JMJD1C: variants seen among roughly 807,000 people sequenced by gnomAD.
The protein encoded by JMJD1C is jumonji domain-containing protein 1C.
In JMJD1C, 31 loss-of-function variants were observed where a neutral mutation model predicts 245.3. That is an observed-to-expected ratio of 0.13 (90% CI 0.09 to 0.17). The LOEUF (loss-of-function observed/expected upper bound fraction) is 0.17, where lower values mean the gene tolerates loss of function less well. Among genes scored for constraint, JMJD1C ranks in the 10% least tolerant of loss-of-function variants. The pLI, the probability that JMJD1C is intolerant of heterozygous loss-of-function variation, is 1.00. For synonymous variants in JMJD1C, 1,057 were observed against 1,017.4 expected, an observed-to-expected ratio of 1.04 and a Z score of -0.74; for missense variants, 2,691 against 3,000.2, an observed-to-expected ratio of 0.90 and a Z score of 2.41.
intron 3 of JMJD1C, among the ~76,000 whole-genome samples, chr10:63,236,497 C>G (rs909462642): frequency 3.3e-5 from 5 of 152,080 alleles, no homozygotes; most frequent in African/African-American, 1.2e-4. Flanking sequence ...GTCTGGAAGG[C>G]AGTTTTTCTT....
Position 63,200,611 on chromosome 10 carries a change from G to T in JMJD1C, c.5141C>A (p.Ser1714Tyr). The change falls in exon 11 of 26, where the codon TCC becomes TAC. Residue 1714 changes from serine to tyrosine, a missense_variant. Coordinates refer to ENST00000399262, the MANE Select transcript of JMJD1C (RefSeq NM_032776.3). Reference sequence around the variant, plus strand: ...ACAGCAGGAGTCATCCTGTAAAAAGGATTCCCCAGTTTGCTTCAGCTTCTT... The same window carrying T: ...ACAGCAGGAGTCATCCTGTAAAAAGTATTCCCCAGTTTGCTTCAGCTTCTT... ...KVKKLKQTGE[S>Y]FLQDDSCCEI... The T allele has an allele frequency of 1.2e-6, 2 of 1,613,998 alleles. No individual in the cohort carries two copies. Among genetic ancestry groups the T allele is most frequent in the Non-Finnish European group, 1.7e-6 (2 of 1,179,936 alleles).
At chr10:63,196,872 C>T (rs1395339534) in intron 13 of JMJD1C, among the ~76,000 whole-genome samples, 1 of 152,162 alleles carries the variant, frequency 6.6e-6, no homozygotes, top group Non-Finnish European at 1.5e-5. Flanking sequence ...TCACAGTTCA[C>T]TGCAGCCTCC....
chr10:63,382,410 T>C (rs1433415997), intron 1 of JMJD1C, among the ~76,000 whole-genome samples: 1 of 152,090 alleles, frequency 6.6e-6, no homozygotes, highest in African/African-American at 2.4e-5. Flanking sequence ...ACATATGACG[T>C]TCAATTAATG....
At chr10:63,203,364 A>G (rs1846238213) in intron 10 of JMJD1C, 1 of 984,440 alleles carries the variant, frequency 1.0e-6, no homozygotes. Context: ...CATTTATAGT[A>G]AGAACCTTAG....
chr10:63,253,611 C>T (rs1265802504), intron 3 of JMJD1C, among the ~76,000 whole-genome samples: 1 of 152,116 alleles, frequency 6.6e-6, no homozygotes, highest in Non-Finnish European at 1.5e-5. Context: ...GTTTTGAACT[C>T]CTGAACTCAG....
chr10:63,233,291 T>C (rs1406410749), intron 3 of JMJD1C, among the ~76,000 whole-genome samples: 2 of 152,178 alleles, frequency 1.3e-5, no homozygotes, highest in East Asian at 3.8e-4. Context: ...CACAGCATAT[T>C]AATAACCTGA....
At chr10:63,241,517 C>G (rs917863333) in intron 3 of JMJD1C, among the ~76,000 whole-genome samples, 1 of 152,148 alleles carries the variant, frequency 6.6e-6, no homozygotes, top group African/African-American at 2.4e-5. Flanking sequence ...GGCTTTCACT[C>G]CAAGCTTAAT....
intron 2 of JMJD1C, among the ~76,000 whole-genome samples, chr10:63,319,391 T>A (rs1473419542): frequency 1.3e-5 from 2 of 152,022 alleles, no homozygotes; most frequent in Non-Finnish European, 2.9e-5. Context: ...CTGCAAGTCT[T>A]TAGCATTTTC....
chr10:63,235,440 T>C (rs895430529), intron 3 of JMJD1C, among the ~76,000 whole-genome samples: 1 of 152,120 alleles, frequency 6.6e-6, no homozygotes, highest in African/African-American at 2.4e-5. Flanking sequence ...GAGGTTGCAG[T>C]GAGCCGAGGT....
At chr10:63,332,803 A>G (rs898283896) in intron 2 of JMJD1C, among the ~76,000 whole-genome samples, 23 of 152,218 alleles carry the variant, frequency 1.5e-4, no homozygotes, top group African/African-American at 5.5e-4. Flanking sequence ...AGAGTTACAC[A>G]TATTTGATTT....
In JMJD1C at chr10:63,215,408, G is replaced by T; in HGVS notation, c.870C>A (p.Asn290Lys). The change falls in exon 7 of 26, where the codon AAC (asparagine) becomes AAA (lysine). Residue 290 changes from asparagine (N) to lysine (K), a missense_variant. By Grantham distance (94) the Asn-to-Lys change is moderately conservative (BLOSUM62 0). Coordinates refer to ENST00000399262, the MANE Select transcript of JMJD1C (RefSeq NM_032776.3). ...AQANSPRPAM[N>K]SQAAVPKQNT... Reference sequence around the variant, plus strand: ...TCTGTTTTGGTACAGCAGCTTGGGAGTTCATTGCTGGTCTGGGACTATTTG... The same window carrying T: ...TCTGTTTTGGTACAGCAGCTTGGGATTTCATTGCTGGTCTGGGACTATTTG... 6.2e-7 allele frequency: 1 copy of T among 1,614,104 alleles called. No homozygotes were observed. The highest frequency in any genetic ancestry group is 8.5e-7 in the Non-Finnish European group (1 of 1,180,022).
chr10:63,491,671 T>C (rs1419142524), intron 1 of JMJD1C, among the ~76,000 whole-genome samples: 1 of 152,234 alleles, frequency 6.6e-6, no homozygotes, highest in Non-Finnish European at 1.5e-5. Context: ...ATTTTAATTA[T>C]GCCTTGGTAT....
intron 3 of JMJD1C, among the ~76,000 whole-genome samples, chr10:63,260,641 G>A (rs942824389): frequency 6.6e-6 from 1 of 151,960 alleles, no homozygotes; most frequent in Non-Finnish European, 1.5e-5. Flanking sequence ...CCAGGCTAGA[G>A]TGCAGTGGCG....
chr10:63,286,195 G>A (rs1241883957), intron 2 of JMJD1C, among the ~76,000 whole-genome samples: 3 of 152,208 alleles, frequency 2.0e-5, no homozygotes, highest in Admixed American at 6.5e-5. Context: ...GACGAAAGCT[G>A]TAGCTCCAAA....
intron 2 of JMJD1C, among the ~76,000 whole-genome samples, chr10:63,273,914 TTAAAA>T (rs1417397242): frequency 2.6e-5 from 4 of 152,110 alleles, no homozygotes; most frequent in South Asian, 2.1e-4. Flanking sequence ...ATTTTAGGAG[TTAAAA>T]TAAACAAAGA....
intron 2 of JMJD1C, among the ~76,000 whole-genome samples, chr10:63,370,299 A>G (rs1946199418): frequency 6.6e-6 from 1 of 152,210 alleles, no homozygotes. Context: ...ACTTGAAACT[A>G]GTGCCAGAAG....
At position 63,211,221 on chromosome 10, in the gene JMJD1C, T is replaced by C. The variant is rs527771516; in HGVS notation, c.2695-1986A>G. Reference sequence around the variant, plus strand: ...GGCTCATGCCTGTAATCCCAGCACTTTGAGAGGCCGAGACAGGCGGATCAC... The same window carrying C: ...GGCTCATGCCTGTAATCCCAGCACTCTGAGAGGCCGAGACAGGCGGATCAC... On this transcript the variant is annotated intron_variant, in intron 8 of 25. Transcript: ENST00000399262. Among the ~76,000 whole-genome samples, 6 of 152,172 alleles carry C rather than the reference T, an allele frequency of 3.9e-5. No homozygotes were observed. In the South Asian group the frequency reaches 1.2e-3, roughly 32 times the overall value.
chr10:63,382,007 T>TTCGA (rs1187774536), intron 1 of JMJD1C, among the ~76,000 whole-genome samples: 2 of 151,996 alleles, frequency 1.3e-5, no homozygotes, highest in Non-Finnish European at 2.9e-5. Flanking sequence ...AGGTCAGGAG[T>TTCGA]TCGAGACCAT....
chr10:63,484,594 A>AGT (rs1953935574), intron 1 of JMJD1C, among the ~76,000 whole-genome samples: 1 of 152,032 alleles, frequency 6.6e-6, no homozygotes, highest in South Asian at 2.1e-4. Flanking sequence ...TAAGATCTTG[A>AGT]TGATCAAACC....
Sources: allele counts gnomAD v4.1 joint callset (sites outside exome capture counted in the v4.1 genomes callset), GRCh38; gene constraint gnomAD v4.1.1; transcripts MANE v1.5; gene names NCBI Gene and HGNC (gene_info 2026-07-23, HGNC 2026-07-21).